Variants in C12orf43 observed in about 807,000 individuals in gnomAD.
The protein encoded by C12orf43 is protein CUSTOS.
Under a neutral mutation model 20.6 loss-of-function variants are expected in C12orf43, and 15 were observed. The observed-to-expected ratio is 0.73, with a 90% CI of 0.49 to 1.12. C12orf43 has a LOEUF of 1.12. Among genes scored for constraint, C12orf43 ranks in the 50% most tolerant of loss-of-function variants. C12orf43 has a pLI of 0.00. For missense variants in C12orf43, 334 were observed against 344.4 expected (o/e 0.97, Z 0.24); for synonymous variants, 144 against 130.8 (o/e 1.10, Z -0.69).
rs750593743 is a variant in C12orf43, at chr12:121,002,065, T to G, written c.*2088A>C. 3.7e-6 allele frequency: 2 copies of G among 536,482 alleles called. No homozygotes were observed. The highest frequency in any genetic ancestry group is 4.4e-5 in the Admixed American group (2 of 44,988). The allele number at this position is 536,482 out of a possible 1,614,324, so 33.2% of individuals were successfully genotyped here. On this transcript the variant is annotated 3_prime_UTR_variant, in exon 6 of 6. Coordinates refer to ENST00000288757, the MANE Select transcript of C12orf43 (RefSeq NM_022895.3). ...GGCAGCTCCTCTGTCTCGAGCGCCC[T>G]GCAGACCCTGCCCTTGTTTGGGGCA...
chr12:121,000,958 C>A lies in C12orf43; in HGVS notation c.*3195G>T. 1 of 1,456,740 alleles carries A rather than the reference C, an allele frequency of 6.9e-7. No homozygotes were observed. The highest frequency in any genetic ancestry group is 9.5e-7 in the Non-Finnish European group (1 of 1,051,116). The allele number at this position is 1,456,740 out of a possible 1,614,324, so 90.2% of individuals were successfully genotyped here. A position where few individuals can be genotyped will look rare whatever the true frequency, so the allele number is the denominator to read the frequency against. On this transcript the variant is annotated 3_prime_UTR_variant, in exon 6 of 6. Transcript: ENST00000288757. The stretch of plus-strand genomic sequence containing the variant: ...TGGGGTTCCTGTTATCTGCTGTGAT[C>A]CAGGAGGTGTGGCCCTGCCTCCCCA...
chr12:121,015,035 C>T (rs2135889868), intron 1 of C12orf43, among the ~76,000 whole-genome samples: 1 of 152,144 alleles, frequency 6.6e-6, no homozygotes, highest in East Asian at 1.9e-4. Flanking sequence ...CACATATTTG[C>T]CACCATGTAT....
Position 121,002,333 on chromosome 12 carries a change from A to G in C12orf43, c.*1820T>C. 1 of 460,624 alleles carries G rather than the reference A, an allele frequency of 2.2e-6. No homozygotes were observed. The highest frequency in any genetic ancestry group is 1.9e-5 in the South Asian group (1 of 53,494). 28.5% of individuals were successfully genotyped at this position (460,624 alleles called of 1,614,324 possible). Reference sequence around the variant, plus strand: ...ACAAAGGAGCCTGTGAACCCAGGACAAGCATGGTCCCACATCCCTGGGCCT... The same window carrying G: ...ACAAAGGAGCCTGTGAACCCAGGACGAGCATGGTCCCACATCCCTGGGCCT... On this transcript the variant is annotated 3_prime_UTR_variant, in exon 6 of 6. Coordinates refer to ENST00000288757, the MANE Select transcript of C12orf43 (RefSeq NM_022895.3).
In C12orf43 at chr12:121,016,374, C is replaced by A. The variant is rs201503026; in HGVS notation, c.101G>T (p.Trp34Leu). The change falls in exon 1 of 6, where the codon TGG becomes TTG. Residue 34 changes from tryptophan to leucine, a missense_variant. Trp to Leu is a moderately conservative substitution (Grantham distance 61). Transcript: ENST00000288757. Reference sequence around the variant, plus strand: ...CACGTGCGGGCGTTGCTCCAAGCCCCAAGCCGGCATTGCCGCCTCGCGGCA... The same window carrying A: ...CACGTGCGGGCGTTGCTCCAAGCCCAAAGCCGGCATTGCCGCCTCGCGGCA... ...ERCREAAMPA[W>L]GLEQRPHVAG... 49 of 1,613,886 alleles carry A rather than the reference C, an allele frequency of 3.0e-5. 1 individual carries two copies. The East Asian group carries it at 1.1e-3, about 35-fold the overall frequency.
intron 3 of C12orf43, chr12:121,006,734 G>GT (rs929079011): frequency 4.0e-6 from 1 of 247,326 alleles, no homozygotes; most frequent in African/African-American, 2.3e-5. Flanking sequence ...CCAGGAGATC[G>GT]AGACCATTCT....
chr12:121,011,403 ATC>A (rs1491125511), intron 1 of C12orf43, among the ~76,000 whole-genome samples: 3 of 148,088 alleles, frequency 2.0e-5, no homozygotes, highest in African/African-American at 7.4e-5. Flanking sequence ...ATATATATAT[ATC>A]TTAGTTATAT....
rs942232520 is a variant in C12orf43, at chr12:121,000,882, GA to G, written c.*3270del. Reference sequence around the variant, plus strand: ...TCAGGCCACTCCATGGGCGGCCGTGGACCCTGGCTGGGAGGCTCCCTTTGAA... The same window carrying G: ...TCAGGCCACTCCATGGGCGGCCGTGGCCCTGGCTGGGAGGCTCCCTTTGAA... On this transcript the variant is annotated 3_prime_UTR_variant, in exon 6 of 6. Transcript: ENST00000288757. 58 of 771,350 alleles carry G rather than the reference GA, an allele frequency of 7.5e-5. No individual in the cohort carries two copies. The African/African-American group carries it at 7.6e-4, about 10-fold the overall frequency. 47.8% of individuals were successfully genotyped at this position (771,350 alleles called of 1,614,324 possible). A position where few individuals can be genotyped will look rare whatever the true frequency, so the allele number is the denominator to read the frequency against.
rs1877402457 is a variant in C12orf43, at chr12:121,000,782, T to C, written c.*3371A>G. 6 of 479,044 alleles carry C rather than the reference T, an allele frequency of 1.3e-5. No homozygotes were observed. The highest frequency in any genetic ancestry group is 2.3e-5 in the Non-Finnish European group (6 of 258,488). The allele number at this position is 479,044 out of a possible 1,614,324, so 29.7% of individuals were successfully genotyped here. On this transcript the variant is annotated 3_prime_UTR_variant, in exon 6 of 6. Transcript: ENST00000288757. The stretch of plus-strand genomic sequence containing the variant: ...GCCTAGATTAGTGTTTGACTCAGCC[T>C]AGCCAAGCCAACACGTACAACTACC...
At position 121,005,054 on chromosome 12, in the gene C12orf43, TCA is replaced by T; in HGVS notation, c.399_400del (p.Lys135GlyfsTer17). On this transcript the variant is annotated frameshift_variant, in exon 5 of 6. Transcript: ENST00000288757. LOFTEE classifies it high-confidence loss of function. This position sits in a 1 kb window ranked among gnomAD's most constrained non-coding sequence, Gnocchi z 5.6. Reference sequence around the variant, plus strand: ...GCGGGGTTGGGGAGACTCTTCCTTCTCACGGCCTCCAGGGACAGATGTGAAGA... The same window carrying T: ...GCGGGGTTGGGGAGACTCTTCCTTCTCGGCCTCCAGGGACAGATGTGAAGA... The T allele has an allele frequency of 1.3e-6, 2 of 1,507,592 alleles. No homozygotes were observed. Among genetic ancestry groups the T allele is most frequent in the Non-Finnish European group, 1.8e-6 (2 of 1,122,790 alleles). The allele number at this position is 1,507,592 out of a possible 1,614,324, so 93.4% of individuals were successfully genotyped here.
At chr12:121,010,168 G>A (rs957282107) in intron 3 of C12orf43, among the ~76,000 whole-genome samples, 4 of 152,226 alleles carry the variant, frequency 2.6e-5, no homozygotes, top group Non-Finnish European at 5.9e-5. Context: ...CTGGTATGGT[G>A]GCAGGTGCCC....
chr12:121,003,950 T>G lies in C12orf43; in HGVS notation c.*203A>C. 1 of 613,812 alleles carries G rather than the reference T, an allele frequency of 1.6e-6. No individual in the cohort carries two copies. Among genetic ancestry groups the G allele is most frequent in the Non-Finnish European group, 2.9e-6 (1 of 345,446 alleles). 38.0% of individuals were successfully genotyped at this position (613,812 alleles called of 1,614,324 possible). On this transcript the variant is annotated 3_prime_UTR_variant, in exon 6 of 6. Coordinates refer to ENST00000288757, the MANE Select transcript of C12orf43 (RefSeq NM_022895.3). ...GGGAGCACAGAGGGGCAGGCCTTGA[T>G]TGGTCTTCTCACCCTACAGCCACTT...
intron 3 of C12orf43, chr12:121,007,121 T>C (rs1245607729): frequency 6.6e-6 from 1 of 152,174 alleles, no homozygotes; most frequent in Non-Finnish European, 1.5e-5. Flanking sequence ...ATGACCAATC[T>C]AGAAAACTGG....
rs549751519 is a variant in C12orf43, at chr12:121,016,207, C to T, written c.145+123G>A. The T allele has an allele frequency of 8.9e-5, 128 of 1,442,632 alleles. No homozygotes were observed. In the African/African-American group the frequency reaches 1.6e-3, roughly 19 times the overall value. 89.4% of individuals were successfully genotyped at this position (1,442,632 alleles called of 1,614,324 possible). On this transcript the variant is annotated intron_variant, in intron 1 of 5. Coordinates refer to ENST00000288757, the MANE Select transcript of C12orf43 (RefSeq NM_022895.3). Reference sequence around the variant, plus strand: ...GCTTTCAATCTGCACTACACCCAGTCCCTGGAGGTCTCTCGGGGAAGGAAG... The same window carrying T: ...GCTTTCAATCTGCACTACACCCAGTTCCTGGAGGTCTCTCGGGGAAGGAAG...
chr12:121,012,972 C>T lies in C12orf43; in HGVS notation c.146-1826G>A, dbSNP rs117123650. Among the ~76,000 whole-genome samples, 482 of 150,866 alleles carry T rather than the reference C, an allele frequency of 3.2e-3. 18 individuals carry two copies. The East Asian group carries it at 0.073, about 23-fold the overall frequency. On this transcript the variant is annotated intron_variant, in intron 1 of 5. Transcript: ENST00000288757. ...TTCTGACTTAACTAACAAGACAAAA[C>T]GTGCTTGTATATTTAAGGGGCCAAC... is the stretch of plus-strand genomic sequence containing the variant.
chr12:121,005,079 AG>A lies in C12orf43; in HGVS notation c.375del (p.Phe126SerfsTer68). The part of the protein sequence containing the change: ...VALEDDGFRL[F>X]FTSVPGGREK... ...TCACGGCCTCCAGGGACAGATGTGA[AG>A]AAAAGGCGGAAACCTAAGATTCAAT... On this transcript the variant is annotated frameshift_variant, in exon 5 of 6. Coordinates refer to ENST00000288757, the MANE Select transcript of C12orf43 (RefSeq NM_022895.3). LOFTEE classifies it high-confidence loss of function. This position sits in a 1 kb window ranked among gnomAD's most constrained non-coding sequence, Gnocchi z 5.6. 1.4e-6 allele frequency: 2 copies of A among 1,443,814 alleles called. No homozygotes were observed. The highest frequency in any genetic ancestry group is 1.8e-4 in the Middle Eastern group (1 of 5,484). 89.4% of individuals were successfully genotyped at this position (1,443,814 alleles called of 1,614,324 possible). A position where few individuals can be genotyped will look rare whatever the true frequency, so the allele number is the denominator to read the frequency against.
Position 121,016,301 on chromosome 12 carries a change from A to T in C12orf43, c.145+29T>A, listed in dbSNP as rs1039564034. On this transcript the variant is annotated intron_variant, in intron 1 of 5. Coordinates refer to ENST00000288757, the MANE Select transcript of C12orf43 (RefSeq NM_022895.3). Reference sequence around the variant, plus strand: ...TCCAGGGGAAGATCCCACGCCCCTCAGCCAGTCTCCCCAAACATAGTACCC... The same window carrying T: ...TCCAGGGGAAGATCCCACGCCCCTCTGCCAGTCTCCCCAAACATAGTACCC... 4 of 1,612,678 alleles carry T rather than the reference A, an allele frequency of 2.5e-6. No homozygotes were observed. The East Asian group carries it at 6.7e-5, about 27-fold the overall frequency.
rs530912397 is a variant in C12orf43, at chr12:121,001,673, CACTCCTTCCTGCCCCA to C, written c.*2464_*2479del. 7.1e-5 allele frequency: 33 copies of C among 466,376 alleles called. 1 individual carries two copies. Among genetic ancestry groups the C allele is most frequent in the South Asian group, 3.2e-4 (17 of 53,544 alleles). 28.9% of individuals were successfully genotyped at this position (466,376 alleles called of 1,614,324 possible). The stretch of plus-strand genomic sequence containing the variant: ...TCTGTCACCAATGTACCCACCGGGC[CACTCCTTCCTGCCCCA>C]ACTCCTTCCAGCTAGTGACCCACAT... On this transcript the variant is annotated 3_prime_UTR_variant, in exon 6 of 6. Coordinates refer to ENST00000288757, the MANE Select transcript of C12orf43 (RefSeq NM_022895.3).
intron 1 of C12orf43, chr12:121,012,301 C>T: frequency 1.5e-6 from 1 of 681,376 alleles, no homozygotes; most frequent in South Asian, 1.5e-5. Flanking sequence ...GCCCAGTAAA[C>T]CGGGAGCAGC....
At chr12:121,008,212 G>A (rs769048564) in intron 3 of C12orf43, among the ~76,000 whole-genome samples, 7 of 151,564 alleles carry the variant, frequency 4.6e-5, no homozygotes, top group Non-Finnish European at 7.4e-5. Context: ...TCAGCTCACT[G>A]CAACCTCTGC....
Sources: allele counts gnomAD v4.1 joint callset (sites outside exome capture counted in the v4.1 genomes callset), GRCh38; gene constraint gnomAD v4.1.1; non-coding constraint Gnocchi (gnomAD v3.1); transcripts MANE v1.5; gene names NCBI Gene and HGNC (gene_info 2026-07-23, HGNC 2026-07-21).